Variants in ADCY3 observed in about 807,000 individuals in gnomAD.
The protein encoded by ADCY3 is adenylate cyclase type 3.
A neutral mutation model predicts 119.4 loss-of-function variants in ADCY3; 70 were observed. That is an observed-to-expected ratio of 0.59 (90% CI 0.48 to 0.72). The LOEUF (loss-of-function observed/expected upper bound fraction) is 0.72. ADCY3 is among the 30% of genes least tolerant of loss of function. ADCY3 has a pLI of 0.00. For synonymous variants in ADCY3, 672 were observed against 621.4 expected (o/e 1.08, Z -1.21); for missense variants, 1,238 against 1,541.6 (o/e 0.80, Z 3.30).
chr2:24,853,406 A>C (rs1672615717), intron 3 of ADCY3, among the ~76,000 whole-genome samples: 1 of 151,598 alleles, frequency 6.6e-6, no homozygotes, highest in Admixed American at 6.6e-5. Flanking sequence ...CTTTTCCTGT[A>C]ATCCTTTTTT....
chr2:24,824,373 C>T lies in ADCY3; in HGVS notation c.2736+5G>A. The T allele has an allele frequency of 6.2e-7, 1 of 1,614,036 alleles. No homozygotes were observed. The highest frequency in any genetic ancestry group is 8.5e-7 in the Non-Finnish European group (1 of 1,179,914). On this transcript the variant is annotated splice_donor_5th_base_variant and intron_variant, in intron 17 of 21. Coordinates refer to ENST00000679454, the MANE Select transcript of ADCY3 (RefSeq NM_004036.5). ...ATGGTTCCGGGCTGAGACCACACCC[C>T]TCACCTCATCTCTCTTCTTGGACCC...
chr2:24,873,051 C>G (rs1675226194), intron 2 of ADCY3, among the ~76,000 whole-genome samples: 1 of 152,256 alleles, frequency 6.6e-6, no homozygotes, highest in Non-Finnish European at 1.5e-5. Flanking sequence ...TGGCCAGTCC[C>G]TCCACCTGTG....
rs750305653 is a variant in ADCY3 at position 24,838,400 on chromosome 2, A to AGGGGT, written c.1533+40_1533+44dup. ...CTCCTCCTTTCCAACCCCCTAATCCAGGGGTGGGGTGGGTGGGGTGGGTGG... is the reference window on the plus strand; with the variant it reads ...CTCCTCCTTTCCAACCCCCTAATCCAGGGGTGGGGTGGGGTGGGTGGGGTGGGTGG... On this transcript the variant is annotated intron_variant, in intron 8 of 21. Coordinates refer to ENST00000679454, the MANE Select transcript of ADCY3 (RefSeq NM_004036.5). 11 of 1,082,976 alleles carry AGGGGT rather than the reference A, an allele frequency of 1.0e-5. No homozygotes were observed. The Middle Eastern group carries it at 1.1e-3, about 112-fold the overall frequency. 67.1% of individuals were successfully genotyped at this position (1,082,976 alleles called of 1,614,324 possible). A position where few individuals can be genotyped will look rare whatever the true frequency, so the allele number is the denominator to read the frequency against.
intron 3 of ADCY3, among the ~76,000 whole-genome samples, chr2:24,853,492 G>A (rs1455102102): frequency 2.7e-5 from 3 of 109,668 alleles, no homozygotes; most frequent in African/African-American, 1.1e-4. Context: ...TTTTTTTTGA[G>A]ATGGCATCGC....
chr2:24,825,781 C>T, intron 16 of ADCY3: 1 of 505,502 alleles, frequency 2.0e-6, no homozygotes, highest in South Asian at 2.5e-5. Context: ...TTTGTGCCTT[C>T]ACTCTATCCC....
At chr2:24,841,000 C>T (rs992466548) in intron 6 of ADCY3, among the ~76,000 whole-genome samples, 3 of 152,244 alleles carry the variant, frequency 2.0e-5, no homozygotes, top group Admixed American at 2.0e-4. Flanking sequence ...AAAGAGAATA[C>T]GTGGACTAAG....
intron 3 of ADCY3, among the ~76,000 whole-genome samples, chr2:24,871,268 AAGG>A (rs1356303377): frequency 6.6e-6 from 1 of 152,182 alleles, no homozygotes; most frequent in African/African-American, 2.4e-5. Context: ...CAAGCCAGGA[AAGG>A]AGGATTCTTT....
rs572694689 is a variant in ADCY3, at chr2:24,865,376, C to T, written c.825+7194G>A. On this transcript the variant is annotated intron_variant, in intron 3 of 21. Coordinates refer to ENST00000679454, the MANE Select transcript of ADCY3 (RefSeq NM_004036.5). The stretch of plus-strand genomic sequence containing the variant: ...AGGAGAATCGCTTAAACCCAGGAGG[C>T]GGAAGTTGTGAGTCGAAATTGTACC... 1.1e-4 allele frequency among the ~76,000 whole-genome samples: 17 copies of T among 152,060 alleles called. No homozygotes were observed. The South Asian group carries it at 3.5e-3, about 32-fold the overall frequency.
rs192943397 is a variant in ADCY3, at chr2:24,841,791, G to A, written c.957-124C>T. On this transcript the variant is annotated intron_variant, in intron 4 of 21. Coordinates refer to ENST00000679454, the MANE Select transcript of ADCY3 (RefSeq NM_004036.5). This position sits in a 1 kb window ranked among gnomAD's most constrained non-coding sequence, Gnocchi z 5.8. Reference sequence around the variant, plus strand: ...AGGGCAGGAGAAGGTCCTCCCTCACGACCCCCAGACAGTGAGACCCTGACC... The same window carrying A: ...AGGGCAGGAGAAGGTCCTCCCTCACAACCCCCAGACAGTGAGACCCTGACC... 10 of 697,972 alleles carry A rather than the reference G, an allele frequency of 1.4e-5. No individual in the cohort carries two copies. The highest frequency in any genetic ancestry group is 7.1e-5 in the African/African-American group (4 of 56,278). The allele number at this position is 697,972 out of a possible 1,614,324, so 43.2% of individuals were successfully genotyped here.
chr2:24,837,503 C>T lies in ADCY3; in HGVS notation c.1534-458G>A, dbSNP rs993185725. 4.6e-5 allele frequency among the ~76,000 whole-genome samples: 7 copies of T among 152,154 alleles called. 1 individual carries two copies. The highest frequency in any genetic ancestry group is 9.7e-5 in the African/African-American group (4 of 41,420). The stretch of plus-strand genomic sequence containing the variant: ...CAGCGGGGAGTATCAGCCTTCACTC[C>T]GGCAGCCTCACCAGAGTGGGCTTTG... On this transcript the variant is annotated intron_variant, in intron 8 of 21. Transcript: ENST00000679454.
intron 3 of ADCY3, among the ~76,000 whole-genome samples, chr2:24,871,216 T>TA (rs199608711): frequency 1.4e-3 from 214 of 149,508 alleles, no homozygotes; most frequent in Middle Eastern, 3.4e-3. Flanking sequence ...GAGACAGTAT[T>TA]AAAAAAAAAC....
intron 2 of ADCY3, among the ~76,000 whole-genome samples, chr2:24,906,099 G>A (rs1333631621): frequency 6.6e-6 from 1 of 152,124 alleles, no homozygotes; most frequent in East Asian, 1.9e-4. Context: ...CTGAGGTCAG[G>A]AGATCGAGAC....
intron 3 of ADCY3, among the ~76,000 whole-genome samples, chr2:24,860,231 G>A (rs1673469155): frequency 6.6e-6 from 1 of 152,194 alleles, no homozygotes; most frequent in Non-Finnish European, 1.5e-5. Context: ...TGGCGGCTGG[G>A]GTGCTTAGCA....
chr2:24,822,276 A>G (rs1226169383), intron 19 of ADCY3: 2 of 477,898 alleles, frequency 4.2e-6, no homozygotes, highest in Non-Finnish European at 3.6e-6. Context: ...GCCACAGAAC[A>G]CAACCATCTT....
In ADCY3 at chr2:24,914,786, G is replaced by A. The variant is rs369247452; in HGVS notation, c.675+3527C>T. On this transcript the variant is annotated intron_variant, in intron 2 of 21. Transcript: ENST00000679454. ...AGGTGGCTCTCAGAACATCCTCCCC[G>A]CCCCAGCACAGCCTGAGTGTCAGAT... Among the ~76,000 whole-genome samples the A allele has an allele frequency of 4.6e-5, 7 of 151,668 alleles. No homozygotes were observed. The Middle Eastern group carries it at 0.01, about 223-fold the overall frequency.
chr2:24,896,340 G>A (rs866209994), intron 2 of ADCY3, among the ~76,000 whole-genome samples: 1 of 152,074 alleles, frequency 6.6e-6, no homozygotes, highest in Admixed American at 6.5e-5. Context: ...AGCCGAGATC[G>A]TGCCACTGCA....
rs115605854 is a variant in ADCY3 at position 24,887,543 on chromosome 2, G to T, written c.676-14824C>A. On this transcript the variant is annotated intron_variant, in intron 2 of 21. Transcript: ENST00000679454. ...GAGGGGTTCACCGGCATCATGCAGCGATAGCCGTGATGGCTCCTGAGGGTG... is the reference window on the plus strand; with the variant it reads ...GAGGGGTTCACCGGCATCATGCAGCTATAGCCGTGATGGCTCCTGAGGGTG... Among the ~76,000 whole-genome samples, 3 of 152,178 alleles carry T rather than the reference G, an allele frequency of 2.0e-5. No homozygotes were observed. In the South Asian group the frequency reaches 6.2e-4, roughly 32 times the overall value.
chr2:24,841,561 C>G lies in ADCY3; in HGVS notation c.1063G>C (p.Ala355Pro). The G allele has an allele frequency of 6.2e-7, 1 of 1,612,534 alleles. No homozygotes were observed. ...NELFARFDKL[A>P]AKYHQLRIKI... is the part of the protein sequence containing the mutation. ...AGGCGGGGCCAGGGACTTACAGCTG[C>G]CAGCTTGTCAAAGCGGGCAAAGAGC... The change falls in exon 5 of 22, where the codon GCA (alanine) becomes CCA (proline). Residue 355 changes from alanine to proline, a missense_variant. By Grantham distance (27) the Ala-to-Pro change is conservative (BLOSUM62 -1). Around this residue, in one of 7 missense-constraint regions of ADCY3, gnomAD observed 283 missense variants for 437.2 expected, o/e 0.65. Coordinates refer to ENST00000679454, the MANE Select transcript of ADCY3 (RefSeq NM_004036.5). The surrounding 1 kb of genome is among the most constrained non-coding windows in gnomAD (Gnocchi z 5.8).
intron 19 of ADCY3, 25 bp downstream of exon 19, chr2:24,822,486 C>T (rs1667927929): frequency 3.7e-6 from 6 of 1,606,938 alleles, no homozygotes; most frequent in Non-Finnish European, 5.1e-6. Flanking sequence ...AGAGCCTCAT[C>T]TCTCTGGCTA....
Sources: allele counts gnomAD v4.1 joint callset (sites outside exome capture counted in the v4.1 genomes callset), GRCh38; gene constraint gnomAD v4.1.1; regional missense constraint gnomAD v4.1.1; non-coding constraint Gnocchi (gnomAD v3.1); transcripts MANE v1.5; gene names NCBI Gene and HGNC (gene_info 2026-07-23, HGNC 2026-07-21).